The following HLCS variants were observed in gnomAD, a reference collection of about 807,000 sequenced individuals.
HLCS encodes holocarboxylase synthetase.
HLCS carries 53 observed loss-of-function variants against 75.0 expected under a neutral mutation model. The ratio of observed to expected loss-of-function variants is 0.71; its 90% CI spans 0.57 to 0.89. The LOEUF (loss-of-function observed/expected upper bound fraction) is 0.89, where lower values mean the gene tolerates loss of function less well. Among genes scored for constraint, HLCS ranks in the 40% least tolerant of loss-of-function variants. The pLI is 0.00. For synonymous variants in HLCS, 431 were observed against 428.6 expected, an observed-to-expected ratio of 1.01 and a Z score of -0.07; for missense variants, 966 against 1,074.0, an observed-to-expected ratio of 0.90 and a Z score of 1.41.
At chr21:36,966,747 C>CT, upstream of HLCS, 1 of 335,946 alleles carries the variant, frequency 3.0e-6, no homozygotes, top group Non-Finnish European at 3.9e-6. Context: ...CCAGGCGGCG[C>CT]GGGGGTGGGG....
At chr21:36,935,556 A>G (rs2066841962) in intron 4 of HLCS, among the ~76,000 whole-genome samples, 1 of 152,178 alleles carries the variant, frequency 6.6e-6, no homozygotes, top group Non-Finnish European at 1.5e-5. Flanking sequence ...AACAAAATCG[A>G]TTACACTTAT....
At chr21:36,970,621 G>A (rs1333406014), upstream of HLCS, among the ~76,000 whole-genome samples, 6 of 151,856 alleles carry the variant, frequency 4.0e-5, no homozygotes, top group Admixed American at 1.3e-4. Context: ...TACCCGCCTC[G>A]GCCTCCCAAA....
intron 8 of HLCS, among the ~76,000 whole-genome samples, chr21:36,760,336 C>T (rs966555344): frequency 1.3e-5 from 2 of 152,136 alleles, no homozygotes; most frequent in Admixed American, 6.5e-5. Context: ...AGTGGCCAGG[C>T]GCGCTGGCTC....
chr21:36,790,670 G>GA (rs1296955425), intron 6 of HLCS, among the ~76,000 whole-genome samples: 1 of 152,202 alleles, frequency 6.6e-6, no homozygotes, highest in Admixed American at 6.5e-5. Context: ...CATCCATGGA[G>GA]AAAAACGCAA....
At chr21:36,956,803 C>A (rs766164731) in intron 2 of HLCS, among the ~76,000 whole-genome samples, 2 of 152,062 alleles carry the variant, frequency 1.3e-5, no homozygotes, top group African/African-American at 2.4e-5. Flanking sequence ...TGTATCACAG[C>A]ACTTCGGGAG....
chr21:36,809,484 C>G lies in HLCS; in HGVS notation c.1893-42199G>C, dbSNP rs544436481. Among the ~76,000 whole-genome samples the G allele has an allele frequency of 1.9e-4, 29 of 152,236 alleles. 2 individuals are homozygous for G. In the South Asian group the frequency reaches 6.0e-3, roughly 32 times the overall value. ...CTTATATCTGTAAATTTCTACTTGT[C>G]ACTGAATTCTGAAATTTTTTAGCTA... On this transcript the variant is annotated intron_variant, in intron 6 of 10. Transcript: ENST00000674895.
intron 5 of HLCS, among the ~76,000 whole-genome samples, chr21:36,926,682 T>G (rs1046311341): frequency 4.0e-5 from 6 of 151,838 alleles, no homozygotes; most frequent in South Asian, 2.1e-4. Flanking sequence ...AAAATCACCC[T>G]TAAGCACTCC....
At chr21:36,846,432 G>A (rs1179994607) in intron 6 of HLCS, among the ~76,000 whole-genome samples, 1 of 152,118 alleles carries the variant, frequency 6.6e-6, no homozygotes, top group African/African-American at 2.4e-5. Flanking sequence ...GCCTAGACTG[G>A]TGTTTCCAAC....
intron 6 of HLCS, among the ~76,000 whole-genome samples, chr21:36,799,012 AAAG>A (rs1173460465): frequency 3.3e-5 from 5 of 152,230 alleles, no homozygotes; most frequent in African/African-American, 1.2e-4. Context: ...TTTATAAAAA[AAAG>A]AAGTTTTTTT....
At chr21:36,899,940 C>T (rs909591299) in intron 5 of HLCS, among the ~76,000 whole-genome samples, 1 of 151,980 alleles carries the variant, frequency 6.6e-6, no homozygotes, top group East Asian at 1.9e-4. Flanking sequence ...TCCATCTCTA[C>T]TAAAAATACA....
At chr21:36,770,140 GCT>G (rs2090180474) in intron 6 of HLCS, among the ~76,000 whole-genome samples, 1 of 134,086 alleles carries the variant, frequency 7.5e-6, no homozygotes, top group African/African-American at 3.0e-5. Context: ...AACTATAGAT[GCT>G]TTTTTTTTTT....
intron 6 of HLCS, among the ~76,000 whole-genome samples, chr21:36,794,716 T>C (rs1226401911): frequency 2.0e-5 from 3 of 152,062 alleles, no homozygotes; most frequent in Non-Finnish European, 2.9e-5. Flanking sequence ...GGCTGCCACA[T>C]GGAAAACAGC....
At chr21:36,818,117 TA>T (rs949824608) in intron 6 of HLCS, among the ~76,000 whole-genome samples, 11 of 152,268 alleles carry the variant, frequency 7.2e-5, no homozygotes, top group African/African-American at 2.6e-4. Flanking sequence ...ATCTAACTCC[TA>T]AATACACTAA....
At chr21:36,964,082 A>G (rs528393899) in intron 1 of HLCS, among the ~76,000 whole-genome samples, 52 of 151,598 alleles carry the variant, frequency 3.4e-4, no homozygotes, top group African/African-American at 1.2e-3. Context: ...AAAATTAGCC[A>G]GGCGTGGTGG....
chr21:36,901,138 G>C (rs774914961), intron 5 of HLCS, among the ~76,000 whole-genome samples: 3 of 152,108 alleles, frequency 2.0e-5, no homozygotes, highest in Non-Finnish European at 2.9e-5. Flanking sequence ...GTGGGCATCT[G>C]TAGTCCCAGC....
At chr21:36,873,788 A>G (rs1378557124) in intron 6 of HLCS, among the ~76,000 whole-genome samples, 4 of 152,246 alleles carry the variant, frequency 2.6e-5, no homozygotes, top group Middle Eastern at 3.4e-3. Flanking sequence ...TTTTGTAGAG[A>G]TGGAGTTTCA....
chr21:36,754,643 C>T (rs575453729), intron 10 of HLCS, among the ~76,000 whole-genome samples: 29 of 152,268 alleles, frequency 1.9e-4, no homozygotes, highest in Admixed American at 9.2e-4. Flanking sequence ...AACAAGGAGT[C>T]GAAATTTCTT....
chr21:36,931,907 C>G (rs961302954), intron 4 of HLCS, among the ~76,000 whole-genome samples: 2 of 152,212 alleles, frequency 1.3e-5, no homozygotes, highest in African/African-American at 4.8e-5. Context: ...ACGCTCTCCC[C>G]ATGTCTGCAC....
At chr21:36,880,580 G>C (rs1273898375) in intron 6 of HLCS, among the ~76,000 whole-genome samples, 2 of 152,190 alleles carry the variant, frequency 1.3e-5, no homozygotes, top group South Asian at 4.2e-4. Context: ...AGTGGAAAGG[G>C]TATTGAAAAT....
Sources: allele counts gnomAD v4.1 joint callset (sites outside exome capture counted in the v4.1 genomes callset), GRCh38; gene constraint gnomAD v4.1.1; transcripts MANE v1.5; gene names NCBI Gene and HGNC (gene_info 2026-07-23, HGNC 2026-07-21).